Variants in CES5A observed in about 807,000 individuals in gnomAD.
The protein encoded by CES5A is carboxylesterase 5A.
CES5A carries 67 observed loss-of-function variants against 62.9 expected under a neutral mutation model. That is an observed-to-expected ratio of 1.07 (90% CI 0.88 to 1.31). CES5A has a LOEUF of 1.31. Ranked by LOEUF, CES5A falls within the 50% of genes most tolerant of loss-of-function variation. The pLI is 0.00. For synonymous variants in CES5A, 296 were observed against 280.8 expected (o/e 1.05, Z -0.54); for missense variants, 748 against 708.5 (o/e 1.06, Z -0.63).
chr16:55,922,309 A>G (rs1027120859), intron 1 of CES5A, among the ~76,000 whole-genome samples: 6 of 151,976 alleles, frequency 3.9e-5, no homozygotes, highest in Non-Finnish European at 7.4e-5. Context: ...AACCCACCTT[A>G]CCTATAAAGA....
chr16:55,940,957 A>G (rs182126486), intron 2 of CES5A, among the ~76,000 whole-genome samples: 3 of 144,234 alleles, frequency 2.1e-5, no homozygotes, highest in Non-Finnish European at 4.5e-5. Flanking sequence ...AATTCATGAT[A>G]AAAAAAAAAC....
chr16:55,859,100 A>G (rs1235232283), intron 8 of CES5A, among the ~76,000 whole-genome samples: 4 of 152,216 alleles, frequency 2.6e-5, no homozygotes, highest in Admixed American at 6.5e-5. Flanking sequence ...AAATAAAATG[A>G]TTTAACAATT....
At chr16:55,864,981 CGG>C (rs1567329822) in intron 5 of CES5A, among the ~76,000 whole-genome samples, 1 of 151,866 alleles carries the variant, frequency 6.6e-6, no homozygotes, top group East Asian at 1.9e-4. Context: ...CCAAGGTGGG[CGG>C]ATCACCTGAA....
intron 1 of CES5A, among the ~76,000 whole-genome samples, chr16:55,899,052 A>G (rs80147090): frequency 1.6e-3 from 241 of 152,252 alleles, no homozygotes; most frequent in African/African-American, 5.5e-3. Flanking sequence ...CCCATACAAC[A>G]TAACTCAGAA....
chr16:55,846,685 A>G lies in CES5A; in HGVS notation c.1497-3T>C, dbSNP rs113591341. 9.3e-6 allele frequency: 15 copies of G among 1,613,450 alleles called. No individual in the cohort carries two copies. The highest frequency in any genetic ancestry group is 1.3e-5 in the Non-Finnish European group (15 of 1,179,584). On this transcript the variant is annotated splice_region_variant and splice_polypyrimidine_tract_variant and intron_variant, in intron 12 of 12. Coordinates refer to ENST00000290567, the MANE Select transcript of CES5A (RefSeq NM_001143685.2). ...ACAGGTCGTTCCCATTAGGATTCCT[A>G]GAAGGGAGAGCAGAAACAGGGGTGA... is the stretch of plus-strand genomic sequence containing the variant.
chr16:55,881,571 C>A (rs545509977), intron 1 of CES5A, among the ~76,000 whole-genome samples: 194 of 152,272 alleles, frequency 1.3e-3, no homozygotes, highest in Non-Finnish European at 2.4e-3. Context: ...TGACAGCCTA[C>A]AGCAAATGCA....
At chr16:55,951,485 A>G (rs1262006947) in intron 1 of CES5A, among the ~76,000 whole-genome samples, 1 of 152,212 alleles carries the variant, frequency 6.6e-6, no homozygotes, top group Non-Finnish European at 1.5e-5. Flanking sequence ...AAAAAATGAA[A>G]TGAGAAGTCA....
At chr16:55,934,091 G>A (rs1364507026) in intron 2 of CES5A, among the ~76,000 whole-genome samples, 2 of 152,054 alleles carry the variant, frequency 1.3e-5, no homozygotes, top group East Asian at 3.9e-4. Context: ...TACCTTTATA[G>A]TGGGGTTTCC....
At chr16:55,887,198 G>T (rs1320890171) in intron 1 of CES5A, among the ~76,000 whole-genome samples, 4 of 152,040 alleles carry the variant, frequency 2.6e-5, no homozygotes, top group Non-Finnish European at 2.9e-5. Flanking sequence ...TGCATCACTT[G>T]CAGAATTTGT....
chr16:55,907,068 A>C (rs1386773905), intron 1 of CES5A, among the ~76,000 whole-genome samples: 1 of 152,216 alleles, frequency 6.6e-6, no homozygotes, highest in Non-Finnish European at 1.5e-5. Context: ...CAATTAAGCT[A>C]GTTAATTTTA....
At chr16:55,895,912 G>A (rs115356275) in intron 1 of CES5A, among the ~76,000 whole-genome samples, 1,555 of 152,296 alleles carry the variant, frequency 0.01, 37 homozygotes, top group African/African-American at 0.036. Context: ...CCTCCTGAGA[G>A]GATGAGTGAG....
chr16:55,900,884 C>T (rs2033983280), intron 1 of CES5A, among the ~76,000 whole-genome samples: 1 of 152,192 alleles, frequency 6.6e-6, no homozygotes, highest in Non-Finnish European at 1.5e-5. Context: ...CTTTAAAGTG[C>T]ACGTGGGAAG....
chr16:55,866,657 C>T lies in CES5A; in HGVS notation c.552-541G>A, dbSNP rs1240588489. Among the ~76,000 whole-genome samples the T allele has an allele frequency of 1.9e-3, 132 of 69,562 alleles. 2 individuals are homozygous for T. Among genetic ancestry groups the T allele is most frequent in the African/African-American group, 9.0e-3 (129 of 14,404 alleles). 45.6% of individuals were successfully genotyped at this position (69,562 alleles called of 152,430 possible). A position where few individuals can be genotyped will look rare whatever the true frequency, so the allele number is the denominator to read the frequency against. On this transcript the variant is annotated intron_variant, in intron 4 of 12. Transcript: ENST00000290567. ...CTAATATAGTGAAACTCTGTCTCTG[C>T]TAAAAAAAAAAAAAAAAAAAATACA...
At chr16:55,866,660 A>C (rs2033469209) in intron 4 of CES5A, among the ~76,000 whole-genome samples, 2 of 121,280 alleles carry the variant, frequency 1.6e-5, no homozygotes, top group Admixed American at 7.8e-5. Flanking sequence ...GTCTCTGCTA[A>C]AAAAAAAAAA....
At chr16:55,924,152 T>C (rs145887082) in intron 1 of CES5A, among the ~76,000 whole-genome samples, 59 of 152,042 alleles carry the variant, frequency 3.9e-4, no homozygotes, top group Non-Finnish European at 7.5e-4. Flanking sequence ...GACATGGTCT[T>C]ATACTCAGGA....
At chr16:55,948,755 G>A (rs898737628) in intron 2 of CES5A, among the ~76,000 whole-genome samples, 1 of 152,136 alleles carries the variant, frequency 6.6e-6, no homozygotes, top group Non-Finnish European at 1.5e-5. Flanking sequence ...CCTAGGGGTT[G>A]GCATTCCAGG....
chr16:55,893,120 G>C (rs1300594396), intron 1 of CES5A, among the ~76,000 whole-genome samples: 2 of 152,094 alleles, frequency 1.3e-5, no homozygotes, highest in Non-Finnish European at 2.9e-5. Flanking sequence ...GGAAGGGCTA[G>C]AAAACAGAAA....
chr16:55,883,254 C>CT (rs1189474800), intron 1 of CES5A, among the ~76,000 whole-genome samples: 20 of 151,948 alleles, frequency 1.3e-4, no homozygotes, highest in South Asian at 6.2e-4. Flanking sequence ...ACCATTGCAT[C>CT]TTTTTTTTGT....
At chr16:55,892,586 C>G (rs1273819112) in intron 1 of CES5A, among the ~76,000 whole-genome samples, 2 of 152,072 alleles carry the variant, frequency 1.3e-5, no homozygotes, top group African/African-American at 2.4e-5. Context: ...ACAAAAAACT[C>G]AAGCAATTAT....
Sources: gnomAD v4.1 joint callset for allele counts (sites outside exome capture counted in the v4.1 genomes callset) on GRCh38, gnomAD v4.1.1 for gene constraint, MANE v1.5 for transcripts, NCBI Gene and HGNC (gene_info 2026-07-23, HGNC 2026-07-21) for gene names.